ARHGAP18: variants seen among roughly 807,000 people sequenced by gnomAD.
The protein encoded by ARHGAP18 is Rho GTPase activating protein 18, also known as rho GTPase-activating protein 18.
ARHGAP18 carries 67 observed loss-of-function variants against 86.2 expected under a neutral mutation model. The ratio of observed to expected loss-of-function variants is 0.78; its 90% confidence interval spans 0.64 to 0.95. The LOEUF (loss-of-function observed/expected upper bound fraction) is 0.95, where lower values mean the gene tolerates loss of function less well. ARHGAP18 is among the 40% of genes least tolerant of loss of function. The probability of loss-of-function intolerance (pLI) is 0.00; values close to 1 mark genes in which losing one functional copy is unlikely to be tolerated. For synonymous variants in ARHGAP18, 283 were observed against 280.4 expected, an observed-to-expected ratio of 1.01 and a Z score of -0.09; for missense variants, 691 against 780.4, an observed-to-expected ratio of 0.89 and a Z score of 1.37.
At chr6:129,644,260 C>G (rs1486597705) in intron 1 of ARHGAP18, among the ~76,000 whole-genome samples, 1 of 152,194 alleles carries the variant, frequency 6.6e-6, no homozygotes, top group East Asian at 1.9e-4. Flanking sequence ...TCTCTGTATT[C>G]CACCTGGGTC....
intron 12 of ARHGAP18, among the ~76,000 whole-genome samples, chr6:129,584,329 T>A (rs1788349117): frequency 6.6e-6 from 1 of 152,230 alleles, no homozygotes; most frequent in Non-Finnish European, 1.5e-5. Context: ...CAGTAATGCT[T>A]AATTATTTTT....
Position 129,668,362 on chromosome 6 carries a change from T to TCACACACACAAACA in ARHGAP18, c.114-26345_114-26344insTGTTTGTGTGTGTG, listed in dbSNP as rs748770270. Among the ~76,000 whole-genome samples the TCACACACACAAACA allele has an allele frequency of 2.9e-4, 40 of 137,844 alleles. 1 individual carries two copies. The East Asian group carries it at 3.2e-3, about 11-fold the overall frequency. The allele number at this position is 137,844 out of a possible 152,430, so 90.4% of individuals were successfully genotyped here. On this transcript the variant is annotated intron_variant, in intron 1 of 14. Transcript: ENST00000368149. Reference sequence around the variant, plus strand: ...CCAAACCATCAATTTACCCAAATAATCACACACACACACACACACACACAC... The same window carrying TCACACACACAAACA: ...CCAAACCATCAATTTACCCAAATAATCACACACACAAACACACACACACACACACACACACACAC...
chr6:129,689,263 A>T (rs942601112), intron 1 of ARHGAP18, among the ~76,000 whole-genome samples: 16 of 152,122 alleles, frequency 1.1e-4, no homozygotes, highest in African/African-American at 3.9e-4. Flanking sequence ...AGAAACCAGC[A>T]TGTATTATTT....
chr6:129,608,104 A>AT (rs752695613), intron 8 of ARHGAP18, 52 bp from the exon 9 acceptor site: 29 of 1,490,876 alleles, frequency 1.9e-5, no homozygotes, highest in East Asian at 7.1e-5. Flanking sequence ...CTAGAAGTGC[A>AT]TTTTTTTTCT....
chr6:129,676,788 A>G (rs1774238475), intron 1 of ARHGAP18, among the ~76,000 whole-genome samples: 1 of 152,142 alleles, frequency 6.6e-6, no homozygotes, highest in Non-Finnish European at 1.5e-5. Flanking sequence ...GTGGAAAAAA[A>G]AAGTTATACC....
intron 1 of ARHGAP18, among the ~76,000 whole-genome samples, chr6:129,688,698 A>G (rs1445451913): frequency 6.6e-6 from 1 of 152,176 alleles, no homozygotes; most frequent in East Asian, 1.9e-4. Context: ...AGGCTTAGGC[A>G]GGAGAATCAC....
chr6:129,687,146 C>T lies in ARHGAP18; in HGVS notation c.113+22878G>A, dbSNP rs114916683. 3.4e-3 allele frequency among the ~76,000 whole-genome samples: 523 copies of T among 152,010 alleles called. 2 individuals carry two copies. Among genetic ancestry groups the T allele is most frequent in the African/African-American group, 0.012 (500 of 41,454 alleles). On this transcript the variant is annotated intron_variant, in intron 1 of 14. Coordinates refer to ENST00000368149, the MANE Select transcript of ARHGAP18 (RefSeq NM_033515.3). ...GCCATAAAACCATTCTTTGCAAGCA[C>T]AGTTTCATCCCTTTGAGATGACAGT... is the stretch of plus-strand genomic sequence containing the variant.
intron 1 of ARHGAP18, among the ~76,000 whole-genome samples, chr6:129,688,595 C>G (rs908604171): frequency 2.0e-5 from 3 of 152,160 alleles, no homozygotes; most frequent in Non-Finnish European, 4.4e-5. Flanking sequence ...GAGTTCAAGA[C>G]CAGCCTGACC....
chr6:129,593,258 G>A (rs1449521367), intron 12 of ARHGAP18, among the ~76,000 whole-genome samples: 2 of 152,118 alleles, frequency 1.3e-5, no homozygotes, highest in South Asian at 2.1e-4. Flanking sequence ...CCAGGAGTTC[G>A]AGACCAGCCT....
At chr6:129,670,090 A>G (rs547108662) in intron 1 of ARHGAP18, among the ~76,000 whole-genome samples, 1 of 152,314 alleles carries the variant, frequency 6.6e-6, no homozygotes, top group East Asian at 1.9e-4. Flanking sequence ...TGCTTGCATA[A>G]AGCTACTTTG....
At chr6:129,596,596 A>G (rs1429467294) in intron 12 of ARHGAP18, among the ~76,000 whole-genome samples, 3 of 152,206 alleles carry the variant, frequency 2.0e-5, no homozygotes, top group East Asian at 1.9e-4. Flanking sequence ...GTTTTGTCCA[A>G]TAATTTATAT....
At chr6:129,624,979 AT>A (rs1372773946) in intron 5 of ARHGAP18, among the ~76,000 whole-genome samples, 1 of 118,272 alleles carries the variant, frequency 8.5e-6, no homozygotes, top group Admixed American at 1.1e-4. Flanking sequence ...ATATTTATAT[AT>A]AATATATATT....
At chr6:129,660,958 C>T (rs1418380744) in intron 1 of ARHGAP18, among the ~76,000 whole-genome samples, 4 of 131,822 alleles carry the variant, frequency 3.0e-5, no homozygotes, top group African/African-American at 1.1e-4. Flanking sequence ...TTGTTAAGTA[C>T]ATTAAAAACG....
chr6:129,666,259 A>G (rs998166399), intron 1 of ARHGAP18, among the ~76,000 whole-genome samples: 30 of 152,328 alleles, frequency 2.0e-4, no homozygotes, highest in Admixed American at 1.1e-3. Flanking sequence ...TCTGCCTCCC[A>G]GCAAAGCTCC....
intron 2 of ARHGAP18, among the ~76,000 whole-genome samples, chr6:129,640,319 C>T (rs1413308419): frequency 6.6e-6 from 1 of 152,132 alleles, no homozygotes; most frequent in Non-Finnish European, 1.5e-5. Flanking sequence ...TAATCAATGA[C>T]TCTAATTAGT....
intron 1 of ARHGAP18, among the ~76,000 whole-genome samples, chr6:129,644,570 A>G (rs574041410): frequency 6.6e-6 from 1 of 152,240 alleles, no homozygotes; most frequent in African/African-American, 2.4e-5. Context: ...TGTGAAATTG[A>G]CCACCTTACT....
chr6:129,654,357 G>A (rs145782447), intron 1 of ARHGAP18, among the ~76,000 whole-genome samples: 17 of 152,232 alleles, frequency 1.1e-4, no homozygotes, highest in African/African-American at 3.4e-4. Context: ...AATTCTAGGC[G>A]GATTAAACCC....
At chr6:129,583,172 G>A (rs1788322877) in intron 13 of ARHGAP18, among the ~76,000 whole-genome samples, 1 of 152,192 alleles carries the variant, frequency 6.6e-6, no homozygotes, top group Admixed American at 6.5e-5. Context: ...TTCGTAAACT[G>A]AGATGCCAAT....
intron 12 of ARHGAP18, among the ~76,000 whole-genome samples, chr6:129,592,716 G>A (rs1788542051): frequency 6.6e-6 from 1 of 152,126 alleles, no homozygotes; most frequent in African/African-American, 2.4e-5. Flanking sequence ...AGCTTGAATG[G>A]CAGAAGAAAC....
Sources: allele counts gnomAD v4.1 joint callset (sites outside exome capture counted in the v4.1 genomes callset), GRCh38; gene constraint gnomAD v4.1.1; transcripts MANE v1.5; gene names NCBI Gene and HGNC (gene_info 2026-07-23, HGNC 2026-07-21).